CHIC2: variants seen among roughly 807,000 people sequenced by gnomAD.
CHIC2 encodes the protein cysteine rich hydrophobic domain 2.
Under a neutral mutation model 25.9 loss-of-function variants are expected in CHIC2, and 14 were observed. The observed-to-expected ratio is 0.54, with a 90% confidence interval of 0.36 to 0.85. The LOEUF (loss-of-function observed/expected upper bound fraction) is 0.85, where lower values mean the gene tolerates loss of function less well. Ranked by LOEUF, CHIC2 falls within the 40% of genes least tolerant of loss-of-function variation. The pLI, the probability that CHIC2 is intolerant of heterozygous loss-of-function variation, is 0.01. For missense variants in CHIC2, 146 were observed against 202.0 expected (o/e 0.72, Z 1.68); for synonymous variants, 70 against 72.0 (o/e 0.97, Z 0.14).
In CHIC2 at chr4:54,032,245, A is replaced by G. The variant is rs114801050; in HGVS notation, c.330+16710T>C. On this transcript the variant is annotated intron_variant, in intron 3 of 5. Transcript: ENST00000263921. ...GATAAGACAACTAACAAGGTTAAGA[A>G]GTTGGTGTATCCTCTCCCTCCCCCT... Among the ~76,000 whole-genome samples the G allele has an allele frequency of 3.9e-3, 596 of 151,824 alleles. 6 individuals carry two copies. Among genetic ancestry groups the G allele is most frequent in the African/African-American group, 0.014 (567 of 41,324 alleles).
At chr4:54,058,561 C>CAT (rs1365680203) in intron 1 of CHIC2, among the ~76,000 whole-genome samples, 5 of 70,662 alleles carry the variant, frequency 7.1e-5, no homozygotes, top group East Asian at 3.0e-3. Flanking sequence ...CACACACATA[C>CAT]ACACACACAC....
intron 3 of CHIC2, among the ~76,000 whole-genome samples, chr4:54,022,925 A>T (rs1427542541): frequency 6.6e-6 from 1 of 152,138 alleles, no homozygotes; most frequent in African/African-American, 2.4e-5. Flanking sequence ...GACAAGTCTT[A>T]TAGGTTAGTT....
intron 3 of CHIC2, among the ~76,000 whole-genome samples, chr4:54,027,013 C>G (rs1716081437): frequency 6.6e-6 from 1 of 152,102 alleles, no homozygotes; most frequent in Non-Finnish European, 1.5e-5. Context: ...ACTAACAAGG[C>G]TATCGGCCTT....
chr4:54,079,997 A>T, the CHIC2 span, among the ~76,000 whole-genome samples: 344 of 151,922 alleles, frequency 2.3e-3, 3 homozygotes, highest in African/African-American at 7.9e-3. Flanking sequence ...ACTTCTGGGT[A>T]TGTAGTCAAA....
At chr4:54,059,321 G>C (rs1377847076) in intron 1 of CHIC2, among the ~76,000 whole-genome samples, 1 of 152,070 alleles carries the variant, frequency 6.6e-6, no homozygotes, top group African/African-American at 2.4e-5. Context: ...GAAGCCAGGA[G>C]TTCAAAACCA....
At chr4:54,019,326 TA>T (rs1468934481) in intron 3 of CHIC2, among the ~76,000 whole-genome samples, 8 of 152,168 alleles carry the variant, frequency 5.3e-5, no homozygotes, top group Non-Finnish European at 1.2e-4. Context: ...TTTAAAATTT[TA>T]ATATGAACAT....
At chr4:54,022,703 G>A (rs1338212469) in intron 3 of CHIC2, among the ~76,000 whole-genome samples, 1 of 151,808 alleles carries the variant, frequency 6.6e-6, no homozygotes, top group Non-Finnish European at 1.5e-5. Flanking sequence ...GCACAGGTAC[G>A]GGACACCTCT....
intron 3 of CHIC2, among the ~76,000 whole-genome samples, chr4:54,040,433 G>A (rs1377496325): frequency 1.3e-5 from 2 of 152,026 alleles, no homozygotes; most frequent in African/African-American, 4.8e-5. Flanking sequence ...CGAGCACGGT[G>A]GCTCACACCT....
chr4:54,082,434 C>T, the CHIC2 span, among the ~76,000 whole-genome samples: 5 of 152,180 alleles, frequency 3.3e-5, no homozygotes, highest in Non-Finnish European at 7.3e-5. Context: ...AAAGTTGACT[C>T]AGTCAGAAAA....
At position 54,064,564 on chromosome 4, in the gene CHIC2, G is replaced by A. The variant is rs771066012; in HGVS notation, c.-264C>T. 5.0e-4 allele frequency: 642 copies of A among 1,288,016 alleles called. No homozygotes were observed. The highest frequency in any genetic ancestry group is 6.1e-4 in the Non-Finnish European group (620 of 1,018,954). The allele number at this position is 1,288,016 out of a possible 1,614,324, so 79.8% of individuals were successfully genotyped here. A position where few individuals can be genotyped will look rare whatever the true frequency, so the allele number is the denominator to read the frequency against. ...AGAGGCCGACACCTCCACAAGCACA[G>A]ACGCCGCTGCCGCCGCCGCAGCAGC... On this transcript the variant is annotated 5_prime_UTR_variant, in exon 1 of 6. Transcript: ENST00000263921. The surrounding 1 kb of genome is among the most constrained non-coding windows in gnomAD (Gnocchi z 4.2).
the CHIC2 span, chr4:54,076,665 T>A: frequency 1.3e-5 from 2 of 152,256 alleles, no homozygotes; most frequent in African/African-American, 4.8e-5. Context: ...CATAGCCTTT[T>A]GGCCAGGTGT....
At chr4:54,071,116 A>G in the CHIC2 span, among the ~76,000 whole-genome samples, 1 of 152,218 alleles carries the variant, frequency 6.6e-6, no homozygotes, top group African/African-American at 2.4e-5. Context: ...AGGAGAGGGA[A>G]GGAAGATGAT....
rs568055541 is a variant in CHIC2 at position 54,044,648 on chromosome 4, G to C, written c.330+4307C>G. Among the ~76,000 whole-genome samples the C allele has an allele frequency of 1.5e-4, 23 of 152,202 alleles. No homozygotes were observed. In the East Asian group the frequency reaches 4.2e-3, roughly 28 times the overall value. On this transcript the variant is annotated intron_variant, in intron 3 of 5. Coordinates refer to ENST00000263921, the MANE Select transcript of CHIC2 (RefSeq NM_012110.4). The stretch of plus-strand genomic sequence containing the variant: ...GAATCTCTGGGACACATTCAAAGCA[G>C]TGTGTAGAGGGAAATTTATAGCACT...
At chr4:54,078,571 A>C in the CHIC2 span, among the ~76,000 whole-genome samples, 37 of 152,130 alleles carry the variant, frequency 2.4e-4, no homozygotes, top group Non-Finnish European at 5.0e-4. Flanking sequence ...GCTGGAGTGC[A>C]GTGACACGAT....
chr4:54,055,234 G>A (rs528800081), intron 1 of CHIC2, among the ~76,000 whole-genome samples: 3 of 152,074 alleles, frequency 2.0e-5, no homozygotes, highest in South Asian at 2.1e-4. Flanking sequence ...TCAGCCTCCC[G>A]TGTAGCTGGG....
intron 3 of CHIC2, among the ~76,000 whole-genome samples, chr4:54,034,693 C>A (rs563265035): frequency 4.6e-5 from 7 of 152,124 alleles, no homozygotes; most frequent in Non-Finnish European, 1.0e-4. Flanking sequence ...ACAAACATGT[C>A]ATCTGCCCAT....
At chr4:54,018,807 T>A (rs929302708) in intron 3 of CHIC2, among the ~76,000 whole-genome samples, 2 of 152,022 alleles carry the variant, frequency 1.3e-5, no homozygotes, top group African/African-American at 4.8e-5. Context: ...AACCTATAAT[T>A]AAAATGTATT....
At chr4:54,043,090 T>C (rs1277128597) in intron 3 of CHIC2, among the ~76,000 whole-genome samples, 2 of 152,166 alleles carry the variant, frequency 1.3e-5, no homozygotes, top group South Asian at 2.1e-4. Flanking sequence ...GAGGGCAGAC[T>C]GCTTGAGTCC....
intron 3 of CHIC2, among the ~76,000 whole-genome samples, chr4:54,038,326 C>T (rs942293608): frequency 6.6e-6 from 1 of 152,140 alleles, no homozygotes; most frequent in Admixed American, 6.6e-5. Flanking sequence ...TATGTACTAG[C>T]AGTGAACAAC....
Sources: gnomAD v4.1 joint callset for allele counts (sites outside exome capture counted in the v4.1 genomes callset) on GRCh38, gnomAD v4.1.1 for gene constraint, Gnocchi (gnomAD v3.1) non-coding constraint, MANE v1.5 for transcripts, NCBI Gene and HGNC (gene_info 2026-07-23, HGNC 2026-07-21) for gene names.